FAF1: variants seen among roughly 807,000 people sequenced by gnomAD.
FAF1 encodes the protein FAS-associated factor 1.
FAF1 carries 25 observed loss-of-function variants against 92.5 expected under a neutral mutation model. The observed-to-expected ratio is 0.27, with a 90% CI of 0.20 to 0.38. FAF1 has a LOEUF of 0.38. Ranked by LOEUF, FAF1 falls within the 10% of genes least tolerant of loss-of-function variation. The probability of loss-of-function intolerance (pLI) is 1.00; values close to 1 mark genes in which losing one functional copy is unlikely to be tolerated. For missense variants in FAF1, 636 were observed against 793.3 expected (o/e 0.80, Z 2.38); for synonymous variants, 234 against 273.2 (o/e 0.86, Z 1.42).
chr1:50,838,504 TTA>T (rs1003011001), intron 2 of FAF1, among the ~76,000 whole-genome samples: 6 of 148,260 alleles, frequency 4.0e-5, no homozygotes, highest in East Asian at 1.9e-4. Context: ...CTATGTTTTG[TTA>T]TATATATAAT....
chr1:50,707,068 T>C (rs753883000), intron 6 of FAF1, among the ~76,000 whole-genome samples: 1 of 151,998 alleles, frequency 6.6e-6, no homozygotes, highest in Admixed American at 6.6e-5. Flanking sequence ...CCAGGTGTGG[T>C]GGCGGGCACC....
rs141133874 is a variant in FAF1, at chr1:50,574,807, C to T, written c.1114-7576G>A. Among the ~76,000 whole-genome samples the T allele has an allele frequency of 8.5e-3, 1,278 of 150,932 alleles. 17 individuals carry two copies. Among genetic ancestry groups the T allele is most frequent in the African/African-American group, 0.029 (1,182 of 41,064 alleles). ...TACATGTTCAGTAGCTTTTTAATACCATCAAATATTGTCTGACAAACAGGT... is the reference window on the plus strand; with the variant it reads ...TACATGTTCAGTAGCTTTTTAATACTATCAAATATTGTCTGACAAACAGGT... On this transcript the variant is annotated intron_variant, in intron 12 of 18. Transcript: ENST00000396153.
chr1:50,824,887 TA>T (rs963717132), intron 2 of FAF1, among the ~76,000 whole-genome samples: 5 of 151,884 alleles, frequency 3.3e-5, no homozygotes, highest in African/African-American at 1.2e-4. Context: ...ATGTCAGAGC[TA>T]AAAAAAATTT....
In FAF1 at chr1:50,617,712, T is replaced by A. The variant is rs867108633; in HGVS notation, c.745-21496A>T. On this transcript the variant is annotated intron_variant, in intron 8 of 18. Coordinates refer to ENST00000396153, the MANE Select transcript of FAF1 (RefSeq NM_007051.3). The stretch of plus-strand genomic sequence containing the variant: ...TCTTCTGTTTTTTTTTTTTTTTTTT[T>A]AATAATTTCAGTAGCACTGATACCA... 7.6e-4 allele frequency among the ~76,000 whole-genome samples: 115 copies of A among 150,522 alleles called. 1 individual carries two copies. Among genetic ancestry groups the A allele is most frequent in the East Asian group, 1.7e-3 (9 of 5,156 alleles).
Position 50,959,913 on chromosome 1 carries a change from C to A in FAF1, c.-102G>T. On this transcript the variant is annotated 5_prime_UTR_variant, in exon 1 of 19. Coordinates refer to ENST00000396153, the MANE Select transcript of FAF1 (RefSeq NM_007051.3). The stretch of plus-strand genomic sequence containing the variant: ...CGCCACCGCCGCCGCCGCCGCCGGG[C>A]GCCGAGGGGCTGGCGGGCGAGCCGG... 8.6e-6 allele frequency: 6 copies of A among 697,492 alleles called. No homozygotes were observed. The highest frequency in any genetic ancestry group is 1.1e-5 in the Non-Finnish European group (6 of 531,092). The allele number at this position is 697,492 out of a possible 1,614,324, so 43.2% of individuals were successfully genotyped here. A position where few individuals can be genotyped will look rare whatever the true frequency, so the allele number is the denominator to read the frequency against.
intron 2 of FAF1, among the ~76,000 whole-genome samples, chr1:50,842,503 G>T (rs1370533236): frequency 2.0e-5 from 3 of 151,894 alleles, no homozygotes; most frequent in Non-Finnish European, 4.4e-5. Flanking sequence ...AAATATTCTT[G>T]CCACACACAA....
rs776937958 is a variant in FAF1 at position 50,567,036 on chromosome 1, T to A, written c.1268+41A>T. On this transcript the variant is annotated intron_variant, in intron 13 of 18. Transcript: ENST00000396153. ...ATGATAAACACAATGATTTTTTTTT[T>A]AATAGAAGCCCAACTTGTAACTTGT... The A allele has an allele frequency of 2.2e-5, 32 of 1,447,908 alleles. No individual in the cohort carries two copies. The South Asian group carries it at 2.5e-4, about 11-fold the overall frequency. The allele number at this position is 1,447,908 out of a possible 1,614,324, so 89.7% of individuals were successfully genotyped here.
intron 12 of FAF1, among the ~76,000 whole-genome samples, chr1:50,578,041 A>C (rs1317189434): frequency 6.6e-6 from 1 of 152,232 alleles, no homozygotes. Flanking sequence ...GTAGTGTTTT[A>C]CTTAGTGATT....
At chr1:50,539,842 G>C in intron 13 of FAF1, 114 bp from the exon 14 acceptor site, 1 of 682,330 alleles carries the variant, frequency 1.5e-6, no homozygotes, top group Non-Finnish European at 2.5e-6. Context: ...CAGCCTGCCT[G>C]ATATCAATAT....
At chr1:50,738,423 A>G in intron 6 of FAF1, among the ~76,000 whole-genome samples, 1 of 149,534 alleles carries the variant, frequency 6.7e-6, no homozygotes. Context: ...AGTCTGGGCA[A>G]CAAGAGTGAA....
At chr1:50,599,294 T>C (rs1215254104) in intron 8 of FAF1, among the ~76,000 whole-genome samples, 1 of 152,074 alleles carries the variant, frequency 6.6e-6, no homozygotes, top group East Asian at 1.9e-4. Flanking sequence ...TGTATCTTTG[T>C]AGAGACGGGG....
rs760785243 is a variant in FAF1, at chr1:50,788,138, T to A, written c.229A>T (p.Thr77Ser). The change falls in exon 4 of 19, where the codon ACT becomes TCT. Residue 77 changes from threonine to serine, a missense_variant. By Grantham distance (58) the Thr-to-Ser change is moderately conservative. Around this residue, in one of 2 missense-constraint regions of FAF1, gnomAD observed 317 missense variants for 342.4 expected, o/e 0.93. Coordinates refer to ENST00000396153, the MANE Select transcript of FAF1 (RefSeq NM_007051.3). Reference sequence around the variant, plus strand: ...CGAAACGCTGAAGAAGAAGAGGAAGTAGGAGCTGAAGCTGGATGACTTGCT... The same window carrying A: ...CGAAACGCTGAAGAAGAAGAGGAAGAAGGAGCTGAAGCTGGATGACTTGCT... ...NPASHPASAP[T>S]SSSSSAFRPV... 3 of 1,614,014 alleles carry A rather than the reference T, an allele frequency of 1.9e-6. No homozygotes were observed. Among genetic ancestry groups the A allele is most frequent in the Non-Finnish European group, 1.7e-6 (2 of 1,180,008 alleles).
At chr1:50,771,786 A>T (rs1225552739) in intron 4 of FAF1, among the ~76,000 whole-genome samples, 1 of 152,164 alleles carries the variant, frequency 6.6e-6, no homozygotes, top group Non-Finnish European at 1.5e-5. Flanking sequence ...CTGTAATCCC[A>T]GCTACTCAAG....
intron 12 of FAF1, among the ~76,000 whole-genome samples, chr1:50,576,820 T>A (rs1325000413): frequency 2.1e-5 from 3 of 140,922 alleles, no homozygotes; most frequent in African/African-American, 8.6e-5. Context: ...CTGTTTTTGT[T>A]TGTTCGTTTT....
At chr1:50,614,190 T>G (rs1049012173) in intron 8 of FAF1, among the ~76,000 whole-genome samples, 10 of 152,126 alleles carry the variant, frequency 6.6e-5, no homozygotes, top group African/African-American at 2.2e-4. Context: ...TTTTGGCACA[T>G]GGTAAAAGAA....
At chr1:50,647,089 T>C (rs373914670) in intron 8 of FAF1, among the ~76,000 whole-genome samples, 1 of 152,126 alleles carries the variant, frequency 6.6e-6, no homozygotes, top group East Asian at 1.9e-4. Flanking sequence ...TCTCAAGCAA[T>C]CCACCTGCCT....
intron 18 of FAF1, among the ~76,000 whole-genome samples, chr1:50,460,827 T>G (rs1021229315): frequency 6.6e-5 from 10 of 151,942 alleles, no homozygotes; most frequent in African/African-American, 2.2e-4. Flanking sequence ...TGTGTGTGTG[T>G]GTGTGTGCAG....
chr1:50,751,100 T>C (rs1165710202), intron 4 of FAF1, among the ~76,000 whole-genome samples: 1 of 142,098 alleles, frequency 7.0e-6, no homozygotes, highest in East Asian at 2.3e-4. Context: ...CCCATATTAG[T>C]ATAGTAAATG....
At chr1:50,591,779 T>C (rs1193981090) in intron 9 of FAF1, among the ~76,000 whole-genome samples, 6 of 152,008 alleles carry the variant, frequency 3.9e-5, no homozygotes, top group Admixed American at 3.3e-4. Flanking sequence ...ATCTTCCTTT[T>C]CCCCCGACTT....
Sources: allele counts gnomAD v4.1 joint callset (sites outside exome capture counted in the v4.1 genomes callset), GRCh38; gene constraint gnomAD v4.1.1; regional missense constraint gnomAD v4.1.1; transcripts MANE v1.5; gene names NCBI Gene and HGNC (gene_info 2026-07-23, HGNC 2026-07-21).